The following LPP variants were observed in gnomAD, a reference collection of about 807,000 sequenced individuals.
The protein encoded by LPP is LIM domain containing preferred translocation partner in lipoma.
A neutral mutation model predicts 60.4 loss-of-function variants in LPP; 38 were observed. That is an observed-to-expected ratio of 0.63 (90% confidence interval 0.49 to 0.83). LPP has a LOEUF of 0.83. Among genes scored for constraint, LPP ranks in the 40% least tolerant of loss-of-function variants. The probability of loss-of-function intolerance (pLI) is 0.00; values close to 1 mark genes in which losing one functional copy is unlikely to be tolerated. For synonymous variants in LPP, 328 were observed against 290.8 expected, an observed-to-expected ratio of 1.13 and a Z score of -1.30; for missense variants, 902 against 783.6, an observed-to-expected ratio of 1.15 and a Z score of -1.80.
chr3:188,475,862 C>T (rs1384365704), intron 4 of LPP, among the ~76,000 whole-genome samples: 4 of 152,170 alleles, frequency 2.6e-5, no homozygotes, highest in Non-Finnish European at 4.4e-5. Flanking sequence ...GAGATTGCGC[C>T]ACTGCAGTCC....
At chr3:188,188,535 C>T (rs1727250788) in intron 1 of LPP, among the ~76,000 whole-genome samples, 1 of 152,036 alleles carries the variant, frequency 6.6e-6, no homozygotes, top group Admixed American at 6.6e-5. Context: ...ACTGGATCAT[C>T]ACCCTTATTC....
intron 3 of LPP, among the ~76,000 whole-genome samples, chr3:188,384,005 C>T (rs1269369604): frequency 6.6e-6 from 1 of 152,292 alleles, no homozygotes; most frequent in East Asian, 1.9e-4. Flanking sequence ...TTACACGTTC[C>T]TCTCCTTAGA....
chr3:188,452,205 T>C (rs1247191757), intron 4 of LPP, among the ~76,000 whole-genome samples: 2 of 152,226 alleles, frequency 1.3e-5, no homozygotes, highest in East Asian at 3.8e-4. Flanking sequence ...TCGTTAACAT[T>C]AATTAAGTTT....
At chr3:188,540,156 G>C (rs960332885) in intron 6 of LPP, among the ~76,000 whole-genome samples, 6 of 152,140 alleles carry the variant, frequency 3.9e-5, no homozygotes, top group African/African-American at 9.7e-5. Flanking sequence ...ACACTGAGAA[G>C]TCTCTGAGTT....
At chr3:188,636,000 A>G (rs1848661223) in intron 7 of LPP, among the ~76,000 whole-genome samples, 1 of 152,240 alleles carries the variant, frequency 6.6e-6, no homozygotes, top group Non-Finnish European at 1.5e-5. Flanking sequence ...GAAGGATGGT[A>G]TTCAGATTAA....
rs1165128227 is a variant in LPP at position 188,578,116 on chromosome 3, A to G, written c.430-31045A>G. On this transcript the variant is annotated intron_variant, in intron 6 of 11. Coordinates refer to ENST00000617246, the MANE Select transcript of LPP (RefSeq NM_001375462.1). The stretch of plus-strand genomic sequence containing the variant: ...TATTGTTTTTAATAATAATTTCAAT[A>G]TAGAGTGACCATCCTTGCCTACTAC... Among the ~76,000 whole-genome samples the G allele has an allele frequency of 3.3e-5, 5 of 152,214 alleles. No homozygotes were observed. In the East Asian group the frequency reaches 5.8e-4, roughly 18 times the overall value.
Position 188,578,865 on chromosome 3 carries a change from C to G in LPP, c.430-30296C>G, listed in dbSNP as rs898831741. Reference sequence around the variant, plus strand: ...AGTACTTTCAGGCAAAGGTGAAGACCCTTTCCCCACTCTAAGCATCTTTCA... The same window carrying G: ...AGTACTTTCAGGCAAAGGTGAAGACGCTTTCCCCACTCTAAGCATCTTTCA... On this transcript the variant is annotated intron_variant, in intron 6 of 11. Transcript: ENST00000617246. Among the ~76,000 whole-genome samples the G allele has an allele frequency of 7.2e-5, 11 of 152,074 alleles. 1 individual carries two copies. The highest frequency in any genetic ancestry group is 1.0e-4 in the Non-Finnish European group (7 of 68,014).
At chr3:188,294,344 T>A (rs1056559128) in intron 2 of LPP, among the ~76,000 whole-genome samples, 1 of 152,218 alleles carries the variant, frequency 6.6e-6, no homozygotes, top group African/African-American at 2.4e-5. Context: ...ATGTAAATTA[T>A]ATCTCAATAA....
At chr3:188,391,335 T>C (rs1323209930) in intron 3 of LPP, among the ~76,000 whole-genome samples, 1 of 152,216 alleles carries the variant, frequency 6.6e-6, no homozygotes, top group Non-Finnish European at 1.5e-5. Flanking sequence ...GCACTGGGTG[T>C]GCTCTGTGCA....
chr3:188,307,264 T>G (rs572820086), intron 2 of LPP, among the ~76,000 whole-genome samples: 2 of 152,198 alleles, frequency 1.3e-5, no homozygotes, highest in African/African-American at 4.8e-5. Flanking sequence ...GCCTGTTCTC[T>G]TTTAAAATCA....
intron 6 of LPP, among the ~76,000 whole-genome samples, chr3:188,582,429 C>T (rs1836462928): frequency 6.6e-6 from 1 of 151,996 alleles, no homozygotes; most frequent in Non-Finnish European, 1.5e-5. Flanking sequence ...GATCCACCCA[C>T]CTCGGCCTCC....
intron 9 of LPP, among the ~76,000 whole-genome samples, chr3:188,840,080 T>C (rs567046353): frequency 3.0e-4 from 46 of 152,306 alleles, no homozygotes; most frequent in African/African-American, 7.9e-4. Flanking sequence ...GACACAACGG[T>C]GTATCACTAG....
intron 4 of LPP, among the ~76,000 whole-genome samples, chr3:188,446,418 T>G (rs935522292): frequency 2.0e-5 from 3 of 152,008 alleles, no homozygotes; most frequent in African/African-American, 7.3e-5. Context: ...AGCCTTTTCT[T>G]TTTAAAAGTG....
intron 5 of LPP, among the ~76,000 whole-genome samples, chr3:188,518,874 A>G (rs759985919): frequency 4.7e-5 from 7 of 150,508 alleles, no homozygotes; most frequent in Non-Finnish European, 8.8e-5. Flanking sequence ...AACAGTTTTT[A>G]CTTGATGATT....
chr3:188,712,051 T>C (rs1711730660), intron 8 of LPP: 1 of 152,160 alleles, frequency 6.6e-6, no homozygotes, highest in African/African-American at 2.4e-5. Context: ...GTTCAAGTAG[T>C]AGGTTAGGAC....
chr3:188,548,187 G>A (rs542407354), intron 6 of LPP, among the ~76,000 whole-genome samples: 17 of 152,328 alleles, frequency 1.1e-4, no homozygotes, highest in African/African-American at 4.1e-4. Context: ...GGTAGATGGA[G>A]CATGTGAATT....
At chr3:188,526,591 G>A (rs182015766) in intron 6 of LPP, among the ~76,000 whole-genome samples, 80 of 152,260 alleles carry the variant, frequency 5.3e-4, no homozygotes, top group African/African-American at 1.8e-3. Flanking sequence ...GTGCGTAGCT[G>A]CTGTCTTCTT....
At position 188,369,817 on chromosome 3, in the gene LPP, A is replaced by T. The variant is rs549483289; in HGVS notation, c.-10+28098A>T. ...TTTCCCTTCCCTAGGCCTGAATTTT[A>T]CTCTTTGTAAAAGAATCACAGACTC... On this transcript the variant is annotated intron_variant, in intron 3 of 11. Transcript: ENST00000617246. Among the ~76,000 whole-genome samples the T allele has an allele frequency of 2.0e-5, 3 of 151,702 alleles. No homozygotes were observed. In the South Asian group the frequency reaches 6.2e-4, roughly 32 times the overall value.
At chr3:188,374,023 T>C (rs565293304) in intron 3 of LPP, among the ~76,000 whole-genome samples, 1 of 152,208 alleles carries the variant, frequency 6.6e-6, no homozygotes, top group Non-Finnish European at 1.5e-5. Context: ...GTTGTAGATA[T>C]GCGGCATTAT....
Sources: allele counts gnomAD v4.1 joint callset (sites outside exome capture counted in the v4.1 genomes callset), GRCh38; gene constraint gnomAD v4.1.1; transcripts MANE v1.5; gene names NCBI Gene and HGNC (gene_info 2026-07-23, HGNC 2026-07-21).